NETO2: variants seen among roughly 807,000 people sequenced by gnomAD.
NETO2 encodes the protein neuropilin and tolloid like 2, also known as neuropilin and tolloid-like protein 2.
NETO2 carries 28 observed loss-of-function variants against 62.5 expected under a neutral mutation model. The ratio of observed to expected loss-of-function variants is 0.45; its 90% CI spans 0.33 to 0.61. The LOEUF (loss-of-function observed/expected upper bound fraction) is 0.61. Ranked by LOEUF, NETO2 falls within the 20% of genes least tolerant of loss-of-function variation. NETO2 has a pLI of 0.02. For synonymous variants in NETO2, 214 were observed against 219.1 expected, an observed-to-expected ratio of 0.98 and a Z score of 0.21; for missense variants, 548 against 643.2, an observed-to-expected ratio of 0.85 and a Z score of 1.60.
chr16:47,115,816 C>T, intron 6 of NETO2, among the ~76,000 whole-genome samples: 1 of 149,870 alleles, frequency 6.7e-6, no homozygotes, highest in Non-Finnish European at 1.5e-5. Flanking sequence ...AGCAATCCAC[C>T]TGCCTTGGTC....
At chr16:47,138,204 A>T (rs1247257544) in intron 1 of NETO2, among the ~76,000 whole-genome samples, 1 of 152,210 alleles carries the variant, frequency 6.6e-6, no homozygotes, top group Non-Finnish European at 1.5e-5. Flanking sequence ...GTTCAAGACC[A>T]GCCTGAACAA....
intron 7 of NETO2, among the ~76,000 whole-genome samples, chr16:47,094,827 T>C (rs1369962597): frequency 1.3e-5 from 2 of 152,168 alleles, no homozygotes; most frequent in African/African-American, 4.8e-5. Flanking sequence ...CAAGTGATCC[T>C]CCCATCTCAG....
chr16:47,084,368 C>CA (rs1050935812), intron 8 of NETO2, among the ~76,000 whole-genome samples: 2 of 152,188 alleles, frequency 1.3e-5, no homozygotes, highest in Non-Finnish European at 2.9e-5. Context: ...CAGGGGTCCT[C>CA]AACCCCTGGG....
intron 2 of NETO2, among the ~76,000 whole-genome samples, chr16:47,131,193 A>C (rs887650075): frequency 1.6e-4 from 25 of 152,314 alleles, no homozygotes; most frequent in Non-Finnish European, 1.8e-4. Context: ...GGTGCTACAA[A>C]TGCAAGGTAC....
At chr16:47,093,189 C>T (rs1963349099) in intron 7 of NETO2, among the ~76,000 whole-genome samples, 3 of 152,174 alleles carry the variant, frequency 2.0e-5, no homozygotes, top group Admixed American at 6.5e-5. Context: ...TTTAATCTAC[C>T]TTTCCTGCCT....
chr16:47,122,983 A>C (rs1342778285), intron 4 of NETO2, 71 bp from the exon 5 acceptor site: 6 of 1,416,984 alleles, frequency 4.2e-6, no homozygotes, highest in Non-Finnish European at 5.9e-6. Flanking sequence ...CTTACATTAC[A>C]TCTAACGTTC....
Position 47,109,626 on chromosome 16 carries a change from GAACTGCT to G in NETO2, c.733_739del (p.Ser245LeufsTer5). The stretch of plus-strand genomic sequence containing the variant: ...AAACTTGGCCTTCAGGTTTTCAATA[GAACTGCT>G]TCCATCATAGACTGCAACGAAGTTT... On this transcript the variant is annotated frameshift_variant, in exon 7 of 9. Transcript: ENST00000562435. LOFTEE classifies it high-confidence loss of function. The G allele has an allele frequency of 6.2e-7, 1 of 1,614,062 alleles. No individual in the cohort carries two copies. Among genetic ancestry groups the G allele is most frequent in the Non-Finnish European group, 8.5e-7 (1 of 1,179,974 alleles).
At chr16:47,094,149 TAA>T (rs1299417379) in intron 7 of NETO2, among the ~76,000 whole-genome samples, 1 of 151,682 alleles carries the variant, frequency 6.6e-6, no homozygotes, top group Non-Finnish European at 1.5e-5. Flanking sequence ...CAAATTCAAG[TAA>T]AAAAATGATG....
intron 1 of NETO2, among the ~76,000 whole-genome samples, chr16:47,132,837 T>C (rs1205245329): frequency 2.0e-5 from 3 of 151,996 alleles, no homozygotes; most frequent in Non-Finnish European, 4.4e-5. Context: ...TCGAGCAAAA[T>C]GGTTAAGAGT....
At chr16:47,143,270 G>A (rs1455906512) in intron 1 of NETO2, among the ~76,000 whole-genome samples, 1 of 152,022 alleles carries the variant, frequency 6.6e-6, no homozygotes, top group Admixed American at 6.6e-5. Context: ...GCGGCGCGAG[G>A]GCGCAGCCCG....
chr16:47,122,813 AG>A, intron 5 of NETO2, 29 bp from the exon 6 acceptor site: 1 of 1,614,024 alleles, frequency 6.2e-7, no homozygotes, highest in Non-Finnish European at 8.5e-7. Flanking sequence ...AGGTGTTCAA[AG>A]GAACATAAGA....
intron 2 of NETO2, among the ~76,000 whole-genome samples, chr16:47,131,290 T>C (rs1291688814): frequency 6.6e-6 from 1 of 152,078 alleles, no homozygotes; most frequent in African/African-American, 2.4e-5. Context: ...CATTATCTAA[T>C]TTATAAAACT....
chr16:47,112,259 C>T (rs1227792631), intron 6 of NETO2, among the ~76,000 whole-genome samples: 2 of 151,998 alleles, frequency 1.3e-5, no homozygotes, highest in African/African-American at 4.8e-5. Context: ...TAAACATCAC[C>T]CATGAACTAG....
Position 47,143,682 on chromosome 16 carries a change from G to A in NETO2, c.-70C>T. On this transcript the variant is annotated 5_prime_UTR_variant, in exon 1 of 9. Transcript: ENST00000562435. Reference sequence around the variant, plus strand: ...GGCGGTGGCTCGGCGCTCACGGCTCGGCGCGGCGGCGACGGCCCCACTCCG... The same window carrying A: ...GGCGGTGGCTCGGCGCTCACGGCTCAGCGCGGCGGCGACGGCCCCACTCCG... The A allele has an allele frequency of 4.1e-6, 5 of 1,214,690 alleles. No homozygotes were observed. Among genetic ancestry groups the A allele is most frequent in the Non-Finnish European group, 5.1e-6 (5 of 976,198 alleles). 75.2% of individuals were successfully genotyped at this position (1,214,690 alleles called of 1,614,324 possible). A position where few individuals can be genotyped will look rare whatever the true frequency, so the allele number is the denominator to read the frequency against.
chr16:47,084,306 A>G (rs1366624881), intron 8 of NETO2, among the ~76,000 whole-genome samples: 2 of 152,238 alleles, frequency 1.3e-5, no homozygotes, highest in African/African-American at 4.8e-5. Context: ...TACGACAGCC[A>G]TATCAGATTA....
At chr16:47,115,375 T>G (rs1198197464) in intron 6 of NETO2, among the ~76,000 whole-genome samples, 4 of 152,184 alleles carry the variant, frequency 2.6e-5, no homozygotes, top group Non-Finnish European at 4.4e-5. Flanking sequence ...CACAGTATAT[T>G]TACTTAGGTC....
intron 7 of NETO2, among the ~76,000 whole-genome samples, chr16:47,106,988 C>G (rs77409725): frequency 2.0e-5 from 3 of 152,024 alleles, no homozygotes; most frequent in Admixed American, 2.0e-4. Context: ...TGCCACATTG[C>G]CCAGGCTGGT....
At chr16:47,103,355 G>A (rs1339027273) in intron 7 of NETO2, among the ~76,000 whole-genome samples, 1 of 152,128 alleles carries the variant, frequency 6.6e-6, no homozygotes, top group Non-Finnish European at 1.5e-5. Context: ...GTTGATGGAT[G>A]CAGCAAACCA....
intron 1 of NETO2, among the ~76,000 whole-genome samples, chr16:47,143,321 C>T (rs1964503539): frequency 6.6e-6 from 1 of 151,990 alleles, no homozygotes; most frequent in African/African-American, 2.4e-5. Flanking sequence ...GCCGCCTTCC[C>T]GACCCGATCC....
Sources: allele counts gnomAD v4.1 joint callset (sites outside exome capture counted in the v4.1 genomes callset), GRCh38; gene constraint gnomAD v4.1.1; transcripts MANE v1.5; gene names NCBI Gene and HGNC (gene_info 2026-07-23, HGNC 2026-07-21).